DNMBP: variants seen among roughly 807,000 people sequenced by gnomAD.
DNMBP encodes dynamin binding protein.
In DNMBP, 87 loss-of-function variants were observed where a neutral mutation model predicts 150.0. The observed-to-expected ratio is 0.58, with a 90% CI of 0.49 to 0.69. The LOEUF is 0.69. Among genes scored for constraint, DNMBP ranks in the 30% least tolerant of loss-of-function variants. The pLI, the probability that DNMBP is intolerant of heterozygous loss-of-function variation, is 0.00. For synonymous variants in DNMBP, 711 were observed against 750.4 expected, an observed-to-expected ratio of 0.95 and a Z score of 0.86; for missense variants, 1,774 against 1,949.0, an observed-to-expected ratio of 0.91 and a Z score of 1.69.
chr10:99,948,671 TA>T (rs1403434579), intron 4 of DNMBP, among the ~76,000 whole-genome samples: 17 of 151,712 alleles, frequency 1.1e-4, no homozygotes, highest in African/African-American at 3.9e-4. Flanking sequence ...GGAAAGAAAA[TA>T]AAAACCAAAG....
intron 6 of DNMBP, among the ~76,000 whole-genome samples, chr10:99,903,371 TCACC>T (rs943095730): frequency 1.4e-4 from 21 of 151,906 alleles, no homozygotes; most frequent in Non-Finnish European, 2.8e-4. Context: ...CCTTGCTCTG[TCACC>T]CAGATTGGAG....
intron 5 of DNMBP, 36 bp downstream of exon 5, chr10:99,908,917 T>G: frequency 1.3e-6 from 2 of 1,579,754 alleles, no homozygotes; most frequent in Non-Finnish European, 1.7e-6. Context: ...GAGGACCATA[T>G]TCAAGGTCAA....
intron 11 of DNMBP, 61 bp from the exon 12 acceptor site, chr10:99,889,014 C>T (rs2039517119): frequency 2.5e-6 from 4 of 1,575,232 alleles, no homozygotes; most frequent in Admixed American, 1.9e-5. Flanking sequence ...TTTTGTCATA[C>T]ATTCCAAGAC....
In DNMBP at chr10:99,877,129, C is replaced by CT. The variant is rs1226175122; in HGVS notation, c.*21dup. The CT allele has an allele frequency of 3.8e-6, 6 of 1,590,516 alleles. No homozygotes were observed. Among genetic ancestry groups the CT allele is most frequent in the Non-Finnish European group, 5.1e-6 (6 of 1,168,012 alleles). On this transcript the variant is annotated 3_prime_UTR_variant, in exon 17 of 17. Coordinates refer to ENST00000324109, the MANE Select transcript of DNMBP (RefSeq NM_015221.4). ...CGGACTGAAAGCAAAGGCAGCAAGG[C>CT]TGGGTGGCAGGCAACGTGGGCTCAG...
chr10:99,979,994 T>A (rs575253009), intron 1 of DNMBP, among the ~76,000 whole-genome samples: 1 of 152,300 alleles, frequency 6.6e-6, no homozygotes, highest in South Asian at 2.1e-4. Flanking sequence ...TGATGCCACC[T>A]CTCCTGCTCA....
intron 4 of DNMBP, among the ~76,000 whole-genome samples, chr10:99,941,710 C>T (rs1054451528): frequency 1.8e-4 from 28 of 152,234 alleles, no homozygotes; most frequent in African/African-American, 4.8e-5. Flanking sequence ...TCAGGTGATC[C>T]GCCCGCCTTG....
intron 1 of DNMBP, among the ~76,000 whole-genome samples, chr10:99,977,101 G>A (rs1026351727): frequency 1.3e-5 from 2 of 152,124 alleles, no homozygotes; most frequent in Admixed American, 1.3e-4. Flanking sequence ...AGAAGCAGAG[G>A]AGAATCTGGC....
At chr10:99,885,216 C>T (rs944274805) in intron 14 of DNMBP, among the ~76,000 whole-genome samples, 4 of 151,870 alleles carry the variant, frequency 2.6e-5, no homozygotes, top group Non-Finnish European at 5.9e-5. Flanking sequence ...ATCCCCTCCC[C>T]CCCACAAAAA....
At chr10:99,961,278 T>TTC (rs1345509252) in intron 3 of DNMBP, among the ~76,000 whole-genome samples, 9 of 134,254 alleles carry the variant, frequency 6.7e-5, no homozygotes, top group African/African-American at 2.5e-4. Flanking sequence ...TTTTTTTTTT[T>TTC]TTTTTTTTTT....
chr10:99,996,909 TTC>T (rs1250335583), intron 1 of DNMBP, among the ~76,000 whole-genome samples: 1 of 152,342 alleles, frequency 6.6e-6, no homozygotes, highest in Admixed American at 6.5e-5. Context: ...GAAAACGGAT[TTC>T]TTTGTGTCTA....
intron 2 of DNMBP, 120 bp downstream of exon 2, chr10:99,971,860 C>CA: frequency 1.4e-6 from 1 of 706,362 alleles, no homozygotes; most frequent in South Asian, 2.4e-5. Flanking sequence ...TTCTTTCTTT[C>CA]TTTTTTTTTT....
chr10:99,913,268 CTT>C (rs960264266), intron 4 of DNMBP, among the ~76,000 whole-genome samples: 2 of 152,162 alleles, frequency 1.3e-5, no homozygotes, highest in African/African-American at 2.4e-5. Context: ...GAAATGTCCA[CTT>C]TTATCTCTTG....
intron 4 of DNMBP, among the ~76,000 whole-genome samples, chr10:99,948,002 G>T (rs144713536): frequency 1.3e-5 from 2 of 152,090 alleles, no homozygotes; most frequent in East Asian, 1.9e-4. Flanking sequence ...ATGTTTTTAC[G>T]ATGTTGATGA....
intron 4 of DNMBP, among the ~76,000 whole-genome samples, chr10:99,937,691 C>A (rs1205451411): frequency 6.6e-6 from 1 of 152,200 alleles, no homozygotes; most frequent in African/African-American, 2.4e-5. Flanking sequence ...CCTGGCCGAC[C>A]AACCCTGCCC....
intron 1 of DNMBP, among the ~76,000 whole-genome samples, chr10:99,985,413 G>A (rs1469893949): frequency 6.6e-6 from 1 of 152,134 alleles, no homozygotes; most frequent in Non-Finnish European, 1.5e-5. Context: ...TTCTTTAGAT[G>A]GTGTCAAAAG....
chr10:100,008,140 G>T (rs1289797609), intron 1 of DNMBP, among the ~76,000 whole-genome samples: 1 of 152,234 alleles, frequency 6.6e-6, no homozygotes, highest in East Asian at 1.9e-4. Flanking sequence ...ATTTTGGGAG[G>T]CTGAGGCAGG....
In DNMBP at chr10:99,988,392, A is replaced by G. The variant is rs149912253; in HGVS notation, c.-10-16258T>C. Among the ~76,000 whole-genome samples the G allele has an allele frequency of 3.0e-3, 462 of 152,266 alleles. 1 individual carries two copies. Among genetic ancestry groups the G allele is most frequent in the African/African-American group, 0.011 (444 of 41,552 alleles). ...GTCTTGCTCTGTTCGTGCCTGGCCC[A>G]CTGGGTACAGGAAAGGAAGAAGGGC... On this transcript the variant is annotated intron_variant, in intron 1 of 16. Transcript: ENST00000324109.
chr10:99,949,867 A>G lies in DNMBP; in HGVS notation c.2260+5347T>C, dbSNP rs1432620361. On this transcript the variant is annotated intron_variant, in intron 4 of 16. Coordinates refer to ENST00000324109, the MANE Select transcript of DNMBP (RefSeq NM_015221.4). ...AAAAACACTGCACACACAAAAAATA[A>G]AAATAAAAACACTGCAGTGTTCTTA... 2.6e-5 allele frequency among the ~76,000 whole-genome samples: 4 copies of G among 152,224 alleles called. No individual in the cohort carries two copies. The East Asian group carries it at 7.7e-4, about 29-fold the overall frequency.
Position 99,909,109 on chromosome 10 carries a change from C to T in DNMBP, c.2298G>A (p.Val766=). Residue 766 remains valine, a synonymous_variant, in exon 5 of 17, where the codon GTG becomes GTA. Coordinates refer to ENST00000324109, the MANE Select transcript of DNMBP (RefSeq NM_015221.4). ...TLLSSQSSSL[V]APSGSVSAEN... is the part of the protein sequence containing the mutation. ...CGGCAGACACAGACCCAGAAGGGGC[C>T]ACCAGTGATGAAGACTGGGAGGAGA... is the stretch of plus-strand genomic sequence containing the variant. 1.2e-5 allele frequency: 19 copies of T among 1,614,142 alleles called. No individual in the cohort carries two copies. The highest frequency in any genetic ancestry group is 1.5e-5 in the Non-Finnish European group (18 of 1,180,020).
Sources: gnomAD v4.1 joint callset for allele counts (sites outside exome capture counted in the v4.1 genomes callset) on GRCh38, gnomAD v4.1.1 for gene constraint, MANE v1.5 for transcripts, NCBI Gene and HGNC (gene_info 2026-07-23, HGNC 2026-07-21) for gene names.